DENND2B: variants seen among roughly 807,000 people sequenced by gnomAD.
DENND2B encodes DENN domain containing 2B, also known as DENN domain-containing protein 2B.
In DENND2B, 32 loss-of-function variants were observed where a neutral mutation model predicts 116.0. The ratio of observed to expected loss-of-function variants is 0.28; its 90% CI spans 0.21 to 0.37. The LOEUF (loss-of-function observed/expected upper bound fraction) is 0.37, where lower values mean the gene tolerates loss of function less well. Ranked by LOEUF, DENND2B falls within the 10% of genes least tolerant of loss-of-function variation. The pLI is 1.00. For missense variants in DENND2B, 1,276 were observed against 1,477.7 expected, an observed-to-expected ratio of 0.86 and a Z score of 2.24; for synonymous variants, 588 against 583.9, an observed-to-expected ratio of 1.01 and a Z score of -0.10.
chr11:8,789,289 C>T (rs1343353491), intron 1 of DENND2B, among the ~76,000 whole-genome samples: 1 of 152,198 alleles, frequency 6.6e-6, no homozygotes, highest in Non-Finnish European at 1.5e-5. Context: ...GTGGACACAG[C>T]AGTAGTCATC....
intron 2 of DENND2B, among the ~76,000 whole-genome samples, chr11:8,740,130 A>C (rs968960991): frequency 1.3e-5 from 2 of 151,944 alleles, no homozygotes; most frequent in Admixed American, 6.6e-5. Flanking sequence ...TCAAGGCTAC[A>C]GTGAGCCATG....
At chr11:8,764,069 C>T (rs1336941669) in intron 1 of DENND2B, among the ~76,000 whole-genome samples, 1 of 152,000 alleles carries the variant, frequency 6.6e-6, no homozygotes, top group Non-Finnish European at 1.5e-5. Flanking sequence ...ACTAAAAATA[C>T]AAAAATTAGC....
intron 4 of DENND2B, among the ~76,000 whole-genome samples, chr11:8,725,528 C>T (rs2133894039): frequency 1.3e-5 from 2 of 152,190 alleles, no homozygotes; most frequent in South Asian, 4.1e-4. Context: ...GTGCCTGCCA[C>T]CATGCTCAGC....
intron 2 of DENND2B, among the ~76,000 whole-genome samples, chr11:8,748,867 C>T (rs748409283): frequency 6.6e-5 from 10 of 152,062 alleles, no homozygotes; most frequent in Non-Finnish European, 1.3e-4. Flanking sequence ...CTCGAGTCTG[C>T]TTTGAAACTT....
chr11:8,778,913 TACTTTC>T lies in DENND2B; in HGVS notation c.-25-28194_-25-28189del, dbSNP rs1185912099. On this transcript the variant is annotated intron_variant, in intron 1 of 19. Transcript: ENST00000313726. ...TGGAGAACTAGCCCAGGCTAAGTTC[TACTTTC>T]ACGTCTTTCCATTCCCACTTCAGTT... is the stretch of plus-strand genomic sequence containing the variant. 7.2e-5 allele frequency among the ~76,000 whole-genome samples: 11 copies of T among 152,380 alleles called. No individual in the cohort carries two copies. The East Asian group carries it at 2.1e-3, about 29-fold the overall frequency.
At chr11:8,764,726 T>C (rs150231818) in intron 1 of DENND2B, among the ~76,000 whole-genome samples, 2,228 of 152,082 alleles carry the variant, frequency 0.015, 28 homozygotes, top group Middle Eastern at 0.071. Context: ...TCCAGCACTT[T>C]GGGAGGTCAG....
Position 8,710,910 on chromosome 11 carries a change from T to C in DENND2B, c.2287A>G (p.Thr763Ala). 1 of 1,613,796 alleles carries C rather than the reference T, an allele frequency of 6.2e-7. No homozygotes were observed. The highest frequency in any genetic ancestry group is 8.5e-7 in the Non-Finnish European group (1 of 1,179,926). ...TCCCCAGTCAGCATGAAAGAAAAGG[T>C]CTCACTGGAACAAAGAGAGGTCTGG... ...WLPVSEYSSE[T>A]FSFMLTGEDG... The change falls in exon 11 of 20, where the codon ACC becomes GCC. Residue 763 changes from threonine to alanine, a missense_variant. Transcript: ENST00000313726.
chr11:8,772,357 G>A (rs1302050937), intron 1 of DENND2B, among the ~76,000 whole-genome samples: 1 of 152,098 alleles, frequency 6.6e-6, no homozygotes, highest in Non-Finnish European at 1.5e-5. Context: ...ATAGTGAGTT[G>A]GTCAAAAGTA....
At chr11:8,782,214 G>A (rs7950178) in intron 1 of DENND2B, among the ~76,000 whole-genome samples, 8,356 of 152,156 alleles carry the variant, frequency 0.055, 460 homozygotes, top group African/African-American at 0.14. Flanking sequence ...AAACTTTTTA[G>A]AAATGACTTT....
chr11:8,715,864 C>A (rs958733149), intron 5 of DENND2B, 46 bp from the exon 6 acceptor site: 16 of 1,532,962 alleles, frequency 1.0e-5, no homozygotes, highest in Non-Finnish European at 1.3e-5. Flanking sequence ...CCACAGAGGC[C>A]TTGGCCAGTG....
chr11:8,876,894 G>A (rs1216892240), intron 2 of DENND2B, among the ~76,000 whole-genome samples: 2 of 144,580 alleles, frequency 1.4e-5, no homozygotes, highest in Non-Finnish European at 3.0e-5. Context: ...AAAAAAAAAA[G>A]AAAGAAAGAA....
At chr11:8,724,905 T>C (rs1395962699) in intron 4 of DENND2B, among the ~76,000 whole-genome samples, 1 of 152,236 alleles carries the variant, frequency 6.6e-6, no homozygotes, top group East Asian at 1.9e-4. Flanking sequence ...TTTCCTACGC[T>C]TGGGCTCCCC....
Position 8,702,106 on chromosome 11 carries a change from C to A in DENND2B, c.2720+466G>T, listed in dbSNP as rs1167337449. Among the ~76,000 whole-genome samples, 1 of 151,648 alleles carries A rather than the reference C, an allele frequency of 6.6e-6. No homozygotes were observed. The highest frequency in any genetic ancestry group is 2.4e-5 in the African/African-American group (1 of 40,986). On this transcript the variant is annotated intron_variant, in intron 14 of 19. Transcript: ENST00000313726. The surrounding 1 kb of genome is among the most constrained non-coding windows in gnomAD (Gnocchi z 4.6). ...TCTCCAGGGGACACCCTCCACAGGA[C>A]CCTCGCTGGCTGGCTCAGCATTCCT...
rs528078009 is a variant in DENND2B at position 8,712,824 on chromosome 11, G to A, written c.1988-89C>T. ...TGGCTCAGGGCTCCATTGCTGTGGA[G>A]CACTTTTAAGTACGTGAGCCTAGTC... is the stretch of plus-strand genomic sequence containing the variant. On this transcript the variant is annotated intron_variant, in intron 8 of 19. Coordinates refer to ENST00000313726, the MANE Select transcript of DENND2B (RefSeq NM_213618.2). This position sits in a 1 kb window ranked among gnomAD's most constrained non-coding sequence, Gnocchi z 4.4. The A allele has an allele frequency of 5.1e-5, 70 of 1,371,862 alleles. No homozygotes were observed. In the South Asian group the frequency reaches 9.6e-4, roughly 19 times the overall value. The allele number at this position is 1,371,862 out of a possible 1,614,324, so 85.0% of individuals were successfully genotyped here.
chr11:8,730,926 C>A lies in DENND2B; in HGVS notation c.364G>T (p.Ala122Ser). Reference sequence around the variant, plus strand: ...GCAGCGACCCCTGCTACATCCTGGGCTGCGCCTTGGACACTTTCCTTTTGG... The same window carrying A: ...GCAGCGACCCCTGCTACATCCTGGGATGCGCCTTGGACACTTTCCTTTTGG... ...DAQKESVQGAAQDVAGVAACL... is the reference protein window; with the variant it reads ...DAQKESVQGASQDVAGVAACL... Residue 122 changes from alanine (A) to serine (S), a missense_variant, in exon 3 of 20, where the codon GCC (alanine) becomes TCC (serine). Coordinates refer to ENST00000313726, the MANE Select transcript of DENND2B (RefSeq NM_213618.2). The surrounding 1 kb of genome is among the most constrained non-coding windows in gnomAD (Gnocchi z 4.1). 1 of 1,614,198 alleles carries A rather than the reference C, an allele frequency of 6.2e-7. No homozygotes were observed. Among genetic ancestry groups the A allele is most frequent in the South Asian group, 1.1e-5 (1 of 91,084 alleles).
At chr11:8,764,942 C>CACAA (rs772055051) in intron 1 of DENND2B, among the ~76,000 whole-genome samples, 7 of 100,286 alleles carry the variant, frequency 7.0e-5, no homozygotes, top group Non-Finnish European at 1.4e-4. Flanking sequence ...GAGACTGTCT[C>CACAA]AAAAAAAAAA....
intron 4 of DENND2B, among the ~76,000 whole-genome samples, chr11:8,825,040 A>C (rs1456753988): frequency 6.6e-6 from 1 of 152,168 alleles, no homozygotes; most frequent in Non-Finnish European, 1.5e-5. Context: ...GTATATACCC[A>C]GTAATGGGAT....
intron 1 of DENND2B, among the ~76,000 whole-genome samples, chr11:8,898,726 C>A (rs1387925650): frequency 2.0e-5 from 3 of 152,174 alleles, no homozygotes; most frequent in Non-Finnish European, 4.4e-5. Flanking sequence ...ACCACATTGA[C>A]TACAAAGCCT....
At chr11:8,798,177 G>A (rs922486291) in intron 1 of DENND2B, among the ~76,000 whole-genome samples, 6 of 152,188 alleles carry the variant, frequency 3.9e-5, no homozygotes, top group South Asian at 4.1e-4. Flanking sequence ...CTCACTACAC[G>A]TCAAGCTCCA....
Sources: allele counts gnomAD v4.1 joint callset (sites outside exome capture counted in the v4.1 genomes callset), GRCh38; gene constraint gnomAD v4.1.1; non-coding constraint Gnocchi (gnomAD v3.1); transcripts MANE v1.5; gene names NCBI Gene and HGNC (gene_info 2026-07-23, HGNC 2026-07-21).